TMEM132B: variants seen among roughly 807,000 people sequenced by gnomAD.
TMEM132B encodes transmembrane protein 132B.
Under a neutral mutation model 90.8 loss-of-function variants are expected in TMEM132B, and 18 were observed. The ratio of observed to expected loss-of-function variants is 0.20; its 90% CI spans 0.14 to 0.29. The LOEUF (loss-of-function observed/expected upper bound fraction) is 0.29. TMEM132B is among the 10% of genes least tolerant of loss of function. The probability of loss-of-function intolerance (pLI) is 1.00; values close to 1 mark genes in which losing one functional copy is unlikely to be tolerated. For synonymous variants in TMEM132B, 504 were observed against 523.3 expected, an observed-to-expected ratio of 0.96 and a Z score of 0.50; for missense variants, 1,096 against 1,326.8, an observed-to-expected ratio of 0.83 and a Z score of 2.70.
At chr12:125,553,663 A>T (rs7306512) in intron 4 of TMEM132B, among the ~76,000 whole-genome samples, 1 of 151,088 alleles carries the variant, frequency 6.6e-6, no homozygotes, top group Admixed American at 6.6e-5. Flanking sequence ...TGTTAAATGA[A>T]ATGAATCACA....
rs771612508 is a variant in TMEM132B, at chr12:125,349,699, G to A, written c.315G>A (p.Glu105=). Residue 105 remains glutamate (E), a synonymous_variant, in exon 2 of 9, where the codon GAG becomes GAA. Transcript: ENST00000682704. This position sits in a 1 kb window ranked among gnomAD's most constrained non-coding sequence, Gnocchi z 4.1. Reference sequence around the variant, plus strand: ...CAGTGGAGAAGATAATCCCCCAGGAGCTCCTGTTGACATCTACAGCCTTTG... The same window carrying A: ...CAGTGGAGAAGATAATCCCCCAGGAACTCCTGTTGACATCTACAGCCTTTG... ...PFSVEKIIPQ[E]LLLTSTAFGN... is the part of the protein sequence containing the mutation. 7.4e-6 allele frequency: 12 copies of A among 1,614,058 alleles called. No individual in the cohort carries two copies. The East Asian group carries it at 1.8e-4, about 24-fold the overall frequency.
At chr12:125,360,292 A>C (rs1380228980) in intron 2 of TMEM132B, among the ~76,000 whole-genome samples, 1 of 152,244 alleles carries the variant, frequency 6.6e-6, no homozygotes, top group Non-Finnish European at 1.5e-5. Context: ...GTAATTTTAC[A>C]CACATTGAAC....
In TMEM132B at chr12:125,657,888, A is replaced by T. The variant is rs1391872404; in HGVS notation, c.*3178A>T. On this transcript the variant is annotated 3_prime_UTR_variant, in exon 9 of 9. Transcript: ENST00000682704. ...ATGACCTGGAACCATTGAGGATTGC[A>T]ACCGCTGCCTCCAGGGTCCAGATGT... The T allele has an allele frequency of 2.0e-5, 3 of 152,330 alleles. No homozygotes were observed. Among genetic ancestry groups the T allele is most frequent in the Non-Finnish European group, 4.4e-5 (3 of 68,084 alleles). 9.4% of individuals were successfully genotyped at this position (152,330 alleles called of 1,614,324 possible).
chr12:125,542,494 T>G (rs1411396812), intron 4 of TMEM132B, among the ~76,000 whole-genome samples: 3 of 152,190 alleles, frequency 2.0e-5, no homozygotes, highest in Admixed American at 2.0e-4. Context: ...CAACACTAAC[T>G]CCCTATTCCT....
intron 1 of TMEM132B, among the ~76,000 whole-genome samples, chr12:125,200,499 G>A (rs924355153): frequency 5.9e-5 from 9 of 152,074 alleles, no homozygotes; most frequent in Non-Finnish European, 1.0e-4. Context: ...TCCATGGCAC[G>A]CATATAGCAA....
At chr12:125,601,167 C>A (rs138969233) in intron 5 of TMEM132B, among the ~76,000 whole-genome samples, 15 of 152,312 alleles carry the variant, frequency 9.8e-5, no homozygotes, top group African/African-American at 3.6e-4. Flanking sequence ...AATATACATT[C>A]TTCTCAGTGC....
chr12:125,586,229 G>A (rs527857982), intron 5 of TMEM132B: 1 of 152,280 alleles, frequency 6.6e-6, no homozygotes, highest in East Asian at 1.9e-4. Context: ...TTGTGCCTTG[G>A]AACCATGAGT....
intron 1 of TMEM132B, among the ~76,000 whole-genome samples, chr12:125,219,335 C>A: frequency 6.6e-6 from 1 of 152,178 alleles, no homozygotes; most frequent in East Asian, 1.9e-4. Flanking sequence ...TCTGGGGGAC[C>A]TAGTGCATTC....
chr12:125,426,307 T>C (rs1232267856), intron 3 of TMEM132B, among the ~76,000 whole-genome samples: 1 of 152,240 alleles, frequency 6.6e-6, no homozygotes, highest in Admixed American at 6.5e-5. Context: ...TCTTTTTTTT[T>C]ATTATATGTT....
At chr12:125,478,924 C>T (rs1297296037) in intron 3 of TMEM132B, among the ~76,000 whole-genome samples, 13 of 152,148 alleles carry the variant, frequency 8.5e-5, no homozygotes, top group Non-Finnish European at 1.9e-4. Flanking sequence ...CGGCAGAAAC[C>T]CTACAAGCCA....
rs1877126513 is a variant in TMEM132B at position 125,340,029 on chromosome 12, A to G, written c.68-9423A>G. Among the ~76,000 whole-genome samples, 2 of 152,224 alleles carry G rather than the reference A, an allele frequency of 1.3e-5. 1 individual carries two copies. The highest frequency in any genetic ancestry group is 1.3e-4 in the Admixed American group (2 of 15,282). ...CAAAGAAGTTAAATAAGTAAATCAC[A>G]AGTAGACTTGAGGATGTTTCAGGTC... is the stretch of plus-strand genomic sequence containing the variant. On this transcript the variant is annotated intron_variant, in intron 1 of 8. Transcript: ENST00000682704.
intron 4 of TMEM132B, among the ~76,000 whole-genome samples, chr12:125,572,320 T>C: frequency 6.6e-6 from 1 of 152,220 alleles, no homozygotes; most frequent in East Asian, 1.9e-4. Context: ...TTTATGTCAT[T>C]AGGGCTCTGC....
intron 1 of TMEM132B, among the ~76,000 whole-genome samples, chr12:125,290,655 A>C (rs1403036832): frequency 6.6e-6 from 1 of 152,212 alleles, no homozygotes; most frequent in African/African-American, 2.4e-5. Flanking sequence ...TCACTGCTGC[A>C]TAGTATTCTG....
intron 4 of TMEM132B, among the ~76,000 whole-genome samples, chr12:125,547,390 G>A (rs1207768341): frequency 1.3e-5 from 2 of 152,136 alleles, no homozygotes; most frequent in Non-Finnish European, 2.9e-5. Context: ...TCTGATGACT[G>A]AGTATGTTAA....
intron 3 of TMEM132B, among the ~76,000 whole-genome samples, chr12:125,429,488 G>A (rs768360183): frequency 5.8e-4 from 89 of 152,188 alleles, no homozygotes; most frequent in Non-Finnish European, 1.1e-3. Context: ...TTACAGGTGT[G>A]AGCCACCGTG....
At chr12:125,472,396 C>G (rs1179884242) in intron 3 of TMEM132B, among the ~76,000 whole-genome samples, 1 of 152,128 alleles carries the variant, frequency 6.6e-6, no homozygotes, top group South Asian at 2.1e-4. Flanking sequence ...GCATCCTGTC[C>G]CCAGTGGACG....
chr12:125,579,857 T>G (rs10846923), intron 4 of TMEM132B, among the ~76,000 whole-genome samples: 62,387 of 152,100 alleles, frequency 0.41, 16,351 homozygotes, highest in African/African-American at 0.74. Context: ...ATAAGTTTTT[T>G]TTCAAAGCTG....
At chr12:125,341,759 A>G (rs577441630) in intron 1 of TMEM132B, among the ~76,000 whole-genome samples, 1 of 152,330 alleles carries the variant, frequency 6.6e-6, no homozygotes, top group African/African-American at 2.4e-5. Flanking sequence ...CTGAGGGGGC[A>G]GGTCCTAAGC....
intron 6 of TMEM132B, among the ~76,000 whole-genome samples, chr12:125,644,956 G>A (rs777297884): frequency 2.6e-5 from 4 of 152,008 alleles, no homozygotes; most frequent in Non-Finnish European, 4.4e-5. Flanking sequence ...GACGACTCTC[G>A]CCTGTAATCC....
Sources: gnomAD v4.1 joint callset for allele counts (sites outside exome capture counted in the v4.1 genomes callset) on GRCh38, gnomAD v4.1.1 for gene constraint, Gnocchi (gnomAD v3.1) non-coding constraint, MANE v1.5 for transcripts, NCBI Gene and HGNC (gene_info 2026-07-23, HGNC 2026-07-21) for gene names.